The following DENND1A variants were observed in gnomAD, a reference collection of about 807,000 sequenced individuals.
The protein encoded by DENND1A is DENN domain-containing protein 1A.
In DENND1A, 51 loss-of-function variants were observed where a neutral mutation model predicts 113.7. The ratio of observed to expected loss-of-function variants is 0.45; its 90% CI spans 0.36 to 0.57. DENND1A has a LOEUF of 0.57. Ranked by LOEUF, DENND1A falls within the 20% of genes least tolerant of loss-of-function variation. The probability of loss-of-function intolerance (pLI) is 0.00; values close to 1 mark genes in which losing one functional copy is unlikely to be tolerated. For synonymous variants in DENND1A, 565 were observed against 570.8 expected, an observed-to-expected ratio of 0.99 and a Z score of 0.14; for missense variants, 1,258 against 1,395.9, an observed-to-expected ratio of 0.90 and a Z score of 1.57.
chr9:123,558,125 A>G (rs528787492), intron 12 of DENND1A, among the ~76,000 whole-genome samples: 4 of 152,356 alleles, frequency 2.6e-5, no homozygotes, highest in African/African-American at 9.6e-5. Context: ...ACTTTTGCAT[A>G]CATTTTACAA....
At chr9:123,589,609 C>T (rs1284513651) in intron 11 of DENND1A, among the ~76,000 whole-genome samples, 2 of 142,858 alleles carry the variant, frequency 1.4e-5, no homozygotes, top group Non-Finnish European at 3.0e-5. Flanking sequence ...GCTGCAAACC[C>T]TTCCCCCCAC....
intron 5 of DENND1A, among the ~76,000 whole-genome samples, chr9:123,692,093 C>T (rs941949149): frequency 6.6e-6 from 1 of 152,294 alleles, no homozygotes; most frequent in East Asian, 1.9e-4. Flanking sequence ...GCTGTTCCTT[C>T]GTCTCTCCAA....
chr9:123,386,381 CTTTTTTTT>C (rs34797849), intron 22 of DENND1A, among the ~76,000 whole-genome samples: 4 of 135,182 alleles, frequency 3.0e-5, no homozygotes, highest in Non-Finnish European at 4.7e-5. Context: ...TCTTTTCTTT[CTTTTTTTT>C]TTTTTTTTTA....
intron 5 of DENND1A, among the ~76,000 whole-genome samples, chr9:123,715,755 C>T (rs781182016): frequency 6.6e-5 from 10 of 152,034 alleles, no homozygotes; most frequent in Non-Finnish European, 1.5e-4. Flanking sequence ...GTACAACCTC[C>T]GCTCACTGCA....
At chr9:123,530,433 C>T (rs1424368788) in intron 13 of DENND1A, among the ~76,000 whole-genome samples, 1 of 152,068 alleles carries the variant, frequency 6.6e-6, no homozygotes, top group Non-Finnish European at 1.5e-5. Flanking sequence ...GTCAATGTAC[C>T]GTTTCATACC....
intron 13 of DENND1A, among the ~76,000 whole-genome samples, chr9:123,556,255 C>T (rs192734289): frequency 3.2e-4 from 49 of 152,254 alleles, no homozygotes; most frequent in African/African-American, 9.1e-4. Flanking sequence ...GAGAGTAAGG[C>T]CTAAGTGCTA....
chr9:123,381,393 C>T lies in DENND1A; in HGVS notation c.*39G>A. ...CTCGGAACCGCAGCAGTGGACGGACCCTCGGGCCTCGGTGCATCCCCCACC... is the reference window on the plus strand; with the variant it reads ...CTCGGAACCGCAGCAGTGGACGGACTCTCGGGCCTCGGTGCATCCCCCACC... On this transcript the variant is annotated 3_prime_UTR_variant, in exon 24 of 24. Transcript: ENST00000394215. The surrounding 1 kb of genome is among the most constrained non-coding windows in gnomAD (Gnocchi z 4.7). 3 of 1,591,586 alleles carry T rather than the reference C, an allele frequency of 1.9e-6. No individual in the cohort carries two copies. Among genetic ancestry groups the T allele is most frequent in the East Asian group, 4.5e-5 (2 of 44,750 alleles).
intron 10 of DENND1A, among the ~76,000 whole-genome samples, chr9:123,612,757 A>G (rs1212211075): frequency 6.6e-6 from 1 of 152,236 alleles, no homozygotes; most frequent in East Asian, 1.9e-4. Flanking sequence ...ATTACTAAAA[A>G]TTAAAGGACA....
intron 15 of DENND1A, 55 bp from the exon 16 acceptor site, chr9:123,454,834 G>A: frequency 6.7e-7 from 1 of 1,495,498 alleles, no homozygotes; most frequent in Non-Finnish European, 9.1e-7. Flanking sequence ...TTGTCCTTGG[G>A]AGTCCTTAAA....
chr9:123,610,245 T>C (rs1409522663), intron 10 of DENND1A, among the ~76,000 whole-genome samples: 1 of 152,206 alleles, frequency 6.6e-6, no homozygotes. Context: ...TGTGTGTGTA[T>C]ACATTATCAT....
intron 13 of DENND1A, among the ~76,000 whole-genome samples, chr9:123,459,573 C>T (rs1030673049): frequency 2.6e-5 from 4 of 152,016 alleles, no homozygotes; most frequent in African/African-American, 9.7e-5. Context: ...ATAGAGCTAA[C>T]ACCTCACTTT....
At chr9:123,457,606 C>G (rs2048225178) in intron 14 of DENND1A, among the ~76,000 whole-genome samples, 171 bp from the exon 15 acceptor site, 1 of 152,242 alleles carries the variant, frequency 6.6e-6, no homozygotes, top group African/African-American at 2.4e-5. Flanking sequence ...TGGAAAACCA[C>G]ACGGCAGATT....
intron 12 of DENND1A, among the ~76,000 whole-genome samples, chr9:123,581,002 C>T (rs1004171653): frequency 3.3e-5 from 5 of 151,940 alleles, no homozygotes; most frequent in African/African-American, 1.2e-4. Context: ...GGAGAGATCA[C>T]CTGTTCCAAA....
chr9:123,654,665 C>G (rs527631247), intron 8 of DENND1A, among the ~76,000 whole-genome samples: 4 of 152,320 alleles, frequency 2.6e-5, no homozygotes, highest in South Asian at 2.1e-4. Context: ...TAACATTTAG[C>G]CAAATTCTCT....
rs59660530 is a variant in DENND1A at position 123,408,127 on chromosome 9, C to T, written c.1542+3649G>A. 3.7e-4 allele frequency among the ~76,000 whole-genome samples: 56 copies of T among 152,320 alleles called. 1 individual carries two copies. Among genetic ancestry groups the T allele is most frequent in the African/African-American group, 9.1e-4 (38 of 41,566 alleles). ...CCCAGCCCCTGCTACCCTGGGCCAA[C>T]GGCTGCACTTCTGTCTGGAAAGTTT... On this transcript the variant is annotated intron_variant, in intron 20 of 23. Transcript: ENST00000394215.
intron 2 of DENND1A, among the ~76,000 whole-genome samples, chr9:123,873,234 C>T (rs1231414166): frequency 2.6e-5 from 4 of 152,184 alleles, no homozygotes; most frequent in African/African-American, 9.7e-5. Flanking sequence ...ACTAGAAAAT[C>T]TTATGAATTC....
intron 1 of DENND1A, among the ~76,000 whole-genome samples, chr9:123,906,025 A>G (rs1333436554): frequency 1.3e-5 from 2 of 152,088 alleles, no homozygotes; most frequent in Non-Finnish European, 2.9e-5. Context: ...CCACACTGCA[A>G]TCAAACTAGA....
intron 13 of DENND1A, among the ~76,000 whole-genome samples, chr9:123,498,761 C>G (rs2052183007): frequency 6.6e-6 from 1 of 151,630 alleles, no homozygotes; most frequent in Admixed American, 6.6e-5. Flanking sequence ...CTCGCTCTGT[C>G]TCCCAAGCTG....
At chr9:123,849,146 T>C (rs1322983423) in intron 2 of DENND1A, among the ~76,000 whole-genome samples, 4 of 152,234 alleles carry the variant, frequency 2.6e-5, no homozygotes, top group Non-Finnish European at 5.9e-5. Flanking sequence ...AACCACCTTA[T>C]ATTAGAAGAA....
Sources: allele counts gnomAD v4.1 joint callset (sites outside exome capture counted in the v4.1 genomes callset), GRCh38; gene constraint gnomAD v4.1.1; non-coding constraint Gnocchi (gnomAD v3.1); transcripts MANE v1.5; gene names NCBI Gene and HGNC (gene_info 2026-07-23, HGNC 2026-07-21).